The following ADAMTS18 variants were observed in gnomAD, a reference collection of about 807,000 sequenced individuals.
ADAMTS18 encodes ADAM metallopeptidase with thrombospondin type 1 motif 18.
A neutral mutation model predicts 165.9 loss-of-function variants in ADAMTS18; 157 were observed. The observed-to-expected ratio is 0.95, with a 90% CI of 0.83 to 1.08. ADAMTS18 has a LOEUF of 1.08. ADAMTS18 is among the 50% of genes least tolerant of loss of function. The pLI is 0.00. For missense variants in ADAMTS18, 2,040 were observed against 1,534.0 expected (o/e 1.33, Z -5.51); for synonymous variants, 782 against 578.2 (o/e 1.35, Z -5.06).
chr16:77,319,900 GC>G lies in ADAMTS18; in HGVS notation c.2480del (p.Arg827ProfsTer20). The G allele has an allele frequency of 6.2e-7, 1 of 1,614,088 alleles. No individual in the cohort carries two copies. The highest frequency in any genetic ancestry group is 8.5e-7 in the Non-Finnish European group (1 of 1,179,942). The part of the protein sequence containing the change: ...TTFEYQRSFN[R>X]PERLYAPGPT... ...GCCCTGGCGCGTACAGACGTTCCGG[GC>G]GGTTGAAAGAGCGCTGGTATTCAAA... On this transcript the variant is annotated frameshift_variant, in exon 16 of 23. Transcript: ENST00000282849. LOFTEE classifies it high-confidence loss of function.
At chr16:77,337,155 T>C (rs543604598) in intron 11 of ADAMTS18, among the ~76,000 whole-genome samples, 1 of 152,336 alleles carries the variant, frequency 6.6e-6, no homozygotes, top group South Asian at 2.1e-4. Flanking sequence ...TTAATTGCCA[T>C]TTCAGAGTTT....
intron 17 of ADAMTS18, 76 bp downstream of exon 17, chr16:77,300,187 T>C (rs1259084092): frequency 2.6e-6 from 4 of 1,565,434 alleles, no homozygotes; most frequent in Admixed American, 3.4e-5. Flanking sequence ...AACCATATTA[T>C]GTTAAAGACG....
At chr16:77,421,156 A>G (rs1190569043) in intron 3 of ADAMTS18, among the ~76,000 whole-genome samples, 1 of 152,236 alleles carries the variant, frequency 6.6e-6, no homozygotes, top group Non-Finnish European at 1.5e-5. Flanking sequence ...TCCCAAGCTC[A>G]GCAGCATGAA....
intron 3 of ADAMTS18, among the ~76,000 whole-genome samples, chr16:77,377,931 G>A (rs2056975639): frequency 6.6e-6 from 1 of 152,128 alleles, no homozygotes; most frequent in South Asian, 2.1e-4. Flanking sequence ...GCTGGGGTGA[G>A]GATGGAGGGA....
chr16:77,420,177 C>G (rs2057583928), intron 3 of ADAMTS18, among the ~76,000 whole-genome samples: 1 of 150,518 alleles, frequency 6.6e-6, no homozygotes, highest in South Asian at 2.1e-4. Flanking sequence ...TATGTGGAAA[C>G]TCTCTGCATA....
chr16:77,425,508 A>G (rs1050890432), intron 3 of ADAMTS18, among the ~76,000 whole-genome samples: 6 of 152,212 alleles, frequency 3.9e-5, no homozygotes, highest in African/African-American at 1.4e-4. Context: ...AAACTCACCC[A>G]TGTATTACAA....
chr16:77,321,025 T>C (rs1439171396), intron 15 of ADAMTS18, 54 bp downstream of exon 15: 5 of 1,612,384 alleles, frequency 3.1e-6, no homozygotes, highest in Non-Finnish European at 4.2e-6. Flanking sequence ...CTCAAACTTG[T>C]TTGGTAGCAA....
rs771583607 is a variant in ADAMTS18 at position 77,367,422 on chromosome 16, A to G, written c.778+19T>C. The G allele has an allele frequency of 6.2e-7, 1 of 1,614,038 alleles. No individual in the cohort carries two copies. Among genetic ancestry groups the G allele is most frequent in the South Asian group, 1.1e-5 (1 of 91,060 alleles). On this transcript the variant is annotated intron_variant, in intron 4 of 22. Coordinates refer to ENST00000282849, the MANE Select transcript of ADAMTS18 (RefSeq NM_199355.4). ...GAGGCCCACATAAGAACAGAAAAAG[A>G]AAAAGTTTCCTTACATACATTTCTT... is the stretch of plus-strand genomic sequence containing the variant.
intron 3 of ADAMTS18, among the ~76,000 whole-genome samples, chr16:77,399,753 G>A (rs574692781): frequency 1.7e-4 from 26 of 152,242 alleles, no homozygotes; most frequent in Non-Finnish European, 3.1e-4. Context: ...TATTCAGGAT[G>A]CAACCATGAC....
At chr16:77,297,243 C>A (rs762044833) in intron 18 of ADAMTS18, 46 bp downstream of exon 18, 1 of 1,610,994 alleles carries the variant, frequency 6.2e-7, no homozygotes, top group Admixed American at 1.7e-5. Flanking sequence ...ACAATGAAGG[C>A]ATACAAGTAC....
chr16:77,290,456 A>G (rs1323655937), intron 21 of ADAMTS18: 1 of 152,210 alleles, frequency 6.6e-6, no homozygotes, highest in Non-Finnish European at 1.5e-5. Context: ...CCCCAGCAAT[A>G]TGTGTAACAC....
At chr16:77,366,112 T>TC (rs989524464) in intron 4 of ADAMTS18, among the ~76,000 whole-genome samples, 1 of 151,884 alleles carries the variant, frequency 6.6e-6, no homozygotes, top group Admixed American at 6.6e-5. Context: ...TCATTATTCC[T>TC]CCTGATTAAT....
At chr16:77,292,993 G>T (rs776192641) in intron 20 of ADAMTS18, 83 bp downstream of exon 20, 1 of 1,573,772 alleles carries the variant, frequency 6.4e-7, no homozygotes, top group Non-Finnish European at 8.7e-7. Context: ...CTAATTTTTT[G>T]TATTTTTAGT....
rs1287480507 is a variant in ADAMTS18 at position 77,434,800 on chromosome 16, G to T, written c.-105C>A. On this transcript the variant is annotated 5_prime_UTR_variant, in exon 1 of 23. Coordinates refer to ENST00000282849, the MANE Select transcript of ADAMTS18 (RefSeq NM_199355.4). ...CCCCGGAGCTCGGCGCCCCAGGTGC[G>T]GCTCCAGGTGAGAGCCGCCGCCGTT... The T allele has an allele frequency of 3.0e-5, 30 of 999,718 alleles. No individual in the cohort carries two copies. Among genetic ancestry groups the T allele is most frequent in the East Asian group, 3.6e-5 (1 of 28,096 alleles). 61.9% of individuals were successfully genotyped at this position (999,718 alleles called of 1,614,324 possible). A position where few individuals can be genotyped will look rare whatever the true frequency, so the allele number is the denominator to read the frequency against.
intron 2 of ADAMTS18, 107 bp from the exon 3 acceptor site, chr16:77,431,718 TCCTA>T: frequency 8.6e-7 from 1 of 1,162,452 alleles, no homozygotes; most frequent in Non-Finnish European, 1.3e-6. Context: ...ATATCTTTGT[TCCTA>T]TTGCCTTGCA....
intron 10 of ADAMTS18, among the ~76,000 whole-genome samples, chr16:77,345,340 A>T (rs894799271): frequency 1.3e-5 from 2 of 152,094 alleles, no homozygotes; most frequent in Non-Finnish European, 2.9e-5. Flanking sequence ...CTATATTCCC[A>T]TTGGTTCTGG....
chr16:77,342,919 A>G (rs1476838245), intron 10 of ADAMTS18, among the ~76,000 whole-genome samples: 1 of 152,132 alleles, frequency 6.6e-6, no homozygotes, highest in East Asian at 1.9e-4. Context: ...ACAGCTTGAG[A>G]AAGACCTAGG....
chr16:77,377,380 C>G (rs1395313958), intron 3 of ADAMTS18, among the ~76,000 whole-genome samples: 1 of 152,108 alleles, frequency 6.6e-6, no homozygotes, highest in Non-Finnish European at 1.5e-5. Flanking sequence ...AAATAAGCTT[C>G]CTGAAGGCAG....
chr16:77,422,204 A>T, intron 3 of ADAMTS18, among the ~76,000 whole-genome samples: 1 of 152,092 alleles, frequency 6.6e-6, no homozygotes, highest in East Asian at 1.9e-4. Context: ...GACAAATTTA[A>T]TGTGGTCCAC....
Sources: gnomAD v4.1 joint callset for allele counts (sites outside exome capture counted in the v4.1 genomes callset) on GRCh38, gnomAD v4.1.1 for gene constraint, MANE v1.5 for transcripts, NCBI Gene and HGNC (gene_info 2026-07-23, HGNC 2026-07-21) for gene names.